The following LAP3 variants were observed in gnomAD, a reference collection of about 807,000 sequenced individuals.
LAP3 encodes leucine aminopeptidase 3, also known as cytosol aminopeptidase.
In LAP3, 46 loss-of-function variants were observed where a neutral mutation model predicts 58.8. The ratio of observed to expected loss-of-function variants is 0.78; its 90% CI spans 0.62 to 1.00. The LOEUF is 1.00. Among genes scored for constraint, LAP3 ranks in the 50% least tolerant of loss-of-function variants. The pLI is 0.00. For synonymous variants in LAP3, 257 were observed against 237.7 expected, an observed-to-expected ratio of 1.08 and a Z score of -0.75; for missense variants, 615 against 659.1, an observed-to-expected ratio of 0.93 and a Z score of 0.73.
intron 1 of LAP3, among the ~76,000 whole-genome samples, chr4:17,578,076 GA>G (rs1713258651): frequency 6.6e-6 from 1 of 152,226 alleles, no homozygotes. Context: ...ACGTTTCCCA[GA>G]ATTAAGAGCA....
At chr4:17,597,909 C>T (rs2109022880) in intron 9 of LAP3, among the ~76,000 whole-genome samples, 1 of 152,230 alleles carries the variant, frequency 6.6e-6, no homozygotes, top group East Asian at 1.9e-4. Context: ...AACGACTGGA[C>T]CTCTATTTAA....
chr4:17,587,893 AT>A (rs1713568588), intron 6 of LAP3, among the ~76,000 whole-genome samples: 2 of 148,670 alleles, frequency 1.3e-5, no homozygotes, highest in African/African-American at 5.0e-5. Flanking sequence ...TAAATAGGAT[AT>A]TTTTTTTCCA....
chr4:17,587,714 G>A (rs1241546536), intron 6 of LAP3: 1 of 152,112 alleles, frequency 6.6e-6, no homozygotes, highest in African/African-American at 2.4e-5. Context: ...CAGTTTTCTA[G>A]TTTGAACTAA....
At chr4:17,602,768 T>TCTGCCTCCTGGGTTCAAGCCATTCTC (rs1714010766) in intron 10 of LAP3, among the ~76,000 whole-genome samples, 1 of 152,014 alleles carries the variant, frequency 6.6e-6, no homozygotes, top group Non-Finnish European at 1.5e-5. Context: ...CACTGCAGCC[T>TCTGCCTCCTGGGTTCAAGCCATTCTC]CTGCCTCCTG....
At chr4:17,606,425 CCG>C (rs1714142072) in intron 11 of LAP3, among the ~76,000 whole-genome samples, 3 of 152,062 alleles carry the variant, frequency 2.0e-5, no homozygotes, top group Non-Finnish European at 2.9e-5. Context: ...TGCAACCTCC[CCG>C]TCCTGGGTTC....
intron 7 of LAP3, among the ~76,000 whole-genome samples, chr4:17,593,251 T>G (rs1346437004): frequency 6.6e-6 from 1 of 152,252 alleles, no homozygotes; most frequent in Non-Finnish European, 1.5e-5. Flanking sequence ...TTTTAGATTT[T>G]GACGCTATGC....
rs369300088 is a variant in LAP3, at chr4:17,607,255, C to A, written c.1371-145C>A. The A allele has an allele frequency of 8.1e-5, 52 of 639,994 alleles. No homozygotes were observed. In the South Asian group the frequency reaches 1.1e-3, roughly 13 times the overall value. 39.6% of individuals were successfully genotyped at this position (639,994 alleles called of 1,614,324 possible). ...AAAGCAATATCTGAAAATAAATATT[C>A]TGAAACTGATATGTGGGTTAGCATC... On this transcript the variant is annotated intron_variant, in intron 12 of 12. Transcript: ENST00000226299.
chr4:17,592,437 A>G (rs1383984446), intron 7 of LAP3, among the ~76,000 whole-genome samples: 2 of 152,194 alleles, frequency 1.3e-5, no homozygotes, highest in Non-Finnish European at 2.9e-5. Flanking sequence ...ATTGTATGGA[A>G]ATGCCAAATT....
chr4:17,604,781 G>T, intron 11 of LAP3, 114 bp downstream of exon 11: 3 of 794,062 alleles, frequency 3.8e-6, no homozygotes, highest in South Asian at 3.3e-5. Context: ...CCGCAGGTTT[G>T]CCTTTGAATT....
rs556415321 is a variant in LAP3 at position 17,598,850 on chromosome 4, C to A, written c.1180+292C>A. 4.6e-5 allele frequency among the ~76,000 whole-genome samples: 7 copies of A among 152,210 alleles called. No individual in the cohort carries two copies. The East Asian group carries it at 1.2e-3, about 25-fold the overall frequency. ...CTCCTGAGTTCAAGTGATTCTCCTG[C>A]CTCAGCCTCCCAAGTAGCTGGGGTT... On this transcript the variant is annotated intron_variant, in intron 10 of 12. Transcript: ENST00000226299.
chr4:17,587,168 T>C (rs1002736395), intron 6 of LAP3, among the ~76,000 whole-genome samples: 9 of 151,624 alleles, frequency 5.9e-5, no homozygotes, highest in Admixed American at 4.6e-4. Context: ...TACAAGAGAG[T>C]GGGGCAGGAC....
chr4:17,603,410 T>A (rs1470746186), intron 10 of LAP3, among the ~76,000 whole-genome samples: 1 of 152,002 alleles, frequency 6.6e-6, no homozygotes, highest in Non-Finnish European at 1.5e-5. Flanking sequence ...GTAATCCTGG[T>A]GCCTTGGGAG....
chr4:17,582,486 C>A, intron 4 of LAP3, 93 bp downstream of exon 4: 3 of 873,592 alleles, frequency 3.4e-6, no homozygotes, highest in Non-Finnish European at 3.7e-6. Context: ...AGTTGCCACC[C>A]CTTACCACGT....
chr4:17,582,234 G>A (rs1199131555), intron 3 of LAP3, 54 bp from the exon 4 acceptor site: 2 of 1,430,152 alleles, frequency 1.4e-6, no homozygotes, highest in Non-Finnish European at 2.0e-6. Flanking sequence ...TTCCTTGCTG[G>A]AAATGAATGC....
intron 6 of LAP3, chr4:17,587,746 C>T (rs189389397): frequency 2.6e-5 from 4 of 152,070 alleles, no homozygotes; most frequent in African/African-American, 9.7e-5. Flanking sequence ...ATTCTGTTAC[C>T]CCACCGATCC....
At chr4:17,596,586 G>A (rs1319400919) in intron 8 of LAP3, among the ~76,000 whole-genome samples, 1 of 152,078 alleles carries the variant, frequency 6.6e-6, no homozygotes, top group South Asian at 2.1e-4. Flanking sequence ...TGATCTGCCC[G>A]CCTTGGCCTC....
At chr4:17,581,695 G>A (rs1207102591) in intron 2 of LAP3, 65 bp from the exon 3 acceptor site, 2 of 1,228,582 alleles carry the variant, frequency 1.6e-6, no homozygotes, top group African/African-American at 3.0e-5. Context: ...GAGTATGTAA[G>A]TGTGCCTTCC....
intron 10 of LAP3, among the ~76,000 whole-genome samples, chr4:17,601,136 C>T (rs16895279): frequency 0.017 from 2,528 of 152,282 alleles, 85 homozygotes; most frequent in African/African-American, 0.058. Flanking sequence ...GTGCTATCCT[C>T]ACTTTCCTTG....
rs1490803018 is a variant in LAP3 at position 17,577,353 on chromosome 4, G to C, written c.-113G>C. ...ACGCACGTCCGCTCGCCCGGCGCCCGAGCCAGTCCGCGCGCACGCCGTCTG... is the reference window on the plus strand; with the variant it reads ...ACGCACGTCCGCTCGCCCGGCGCCCCAGCCAGTCCGCGCGCACGCCGTCTG... On this transcript the variant is annotated 5_prime_UTR_variant, in exon 1 of 13. Transcript: ENST00000226299. 4 of 693,678 alleles carry C rather than the reference G, an allele frequency of 5.8e-6. No homozygotes were observed. The highest frequency in any genetic ancestry group is 8.6e-6 in the Non-Finnish European group (4 of 467,706). The allele number at this position is 693,678 out of a possible 1,614,324, so 43.0% of individuals were successfully genotyped here. A position where few individuals can be genotyped will look rare whatever the true frequency, so the allele number is the denominator to read the frequency against.
Sources: gnomAD v4.1 joint callset for allele counts (sites outside exome capture counted in the v4.1 genomes callset) on GRCh38, gnomAD v4.1.1 for gene constraint, MANE v1.5 for transcripts, NCBI Gene and HGNC (gene_info 2026-07-23, HGNC 2026-07-21) for gene names.